Variants in CHSY3 observed in about 807,000 individuals in gnomAD.
The protein encoded by CHSY3 is chondroitin sulfate synthase 3, also known as N-acetylgalactosaminyl-proteoglycan 3-beta-glucuronosyltransferase 3.
In CHSY3, 35 loss-of-function variants were observed where a neutral mutation model predicts 67.2. That is an observed-to-expected ratio of 0.52 (90% CI 0.40 to 0.69). The LOEUF (loss-of-function observed/expected upper bound fraction) is 0.69, where lower values mean the gene tolerates loss of function less well. Ranked by LOEUF, CHSY3 falls within the 30% of genes least tolerant of loss-of-function variation. The pLI is 0.00. For missense variants in CHSY3, 1,069 were observed against 1,138.5 expected (o/e 0.94, Z 0.88); for synonymous variants, 474 against 434.7 (o/e 1.09, Z -1.12).
intron 1 of CHSY3, among the ~76,000 whole-genome samples, chr5:129,906,553 G>T (rs1760310173): frequency 6.6e-6 from 1 of 152,192 alleles, no homozygotes; most frequent in South Asian, 2.1e-4. Flanking sequence ...TAAAAGAGGC[G>T]CGGTCTTTTT....
chr5:129,905,624 C>T lies in CHSY3; in HGVS notation c.795C>T (p.Tyr265=), dbSNP rs1329495121. The T allele has an allele frequency of 6.2e-7, 1 of 1,612,890 alleles. No homozygotes were observed. Among genetic ancestry groups the T allele is most frequent in the East Asian group, 2.2e-5 (1 of 44,846 alleles). Residue 265 remains tyrosine (Y), a synonymous_variant, in exon 1 of 3, where the codon TAC becomes TAT. Transcript: ENST00000305031. ...EWFMRADDDV[Y]IKGDKLEEFL... The stretch of plus-strand genomic sequence containing the variant: ...TCATGCGCGCCGACGACGATGTCTA[C>T]ATCAAAGGTGACCTCCCTGCGCCGG...
intron 2 of CHSY3, among the ~76,000 whole-genome samples, chr5:130,022,040 G>T (rs1429417658): frequency 2.0e-5 from 3 of 152,022 alleles, no homozygotes; most frequent in Non-Finnish European, 4.4e-5. Context: ...TGGGAAGGTA[G>T]ATTAAATTTC....
intron 2 of CHSY3, among the ~76,000 whole-genome samples, chr5:129,989,542 A>G (rs1406833460): frequency 1.3e-5 from 2 of 152,146 alleles, no homozygotes; most frequent in Non-Finnish European, 2.9e-5. Context: ...ATTAAGCCTC[A>G]CTTTCCAACA....
chr5:129,990,377 A>T (rs868696669), intron 2 of CHSY3, among the ~76,000 whole-genome samples: 9 of 147,474 alleles, frequency 6.1e-5, no homozygotes, highest in East Asian at 2.0e-4. Flanking sequence ...TGAGTGAGTG[A>T]GTGTGTGTGT....
At chr5:130,178,177 ATG>A (rs202195958) in intron 2 of CHSY3, among the ~76,000 whole-genome samples, 71 of 123,580 alleles carry the variant, frequency 5.7e-4, no homozygotes, top group Non-Finnish European at 7.6e-4. Context: ...ATGTATATAT[ATG>A]TGTGTGTGTA....
chr5:130,068,832 G>A (rs967048048), intron 2 of CHSY3, among the ~76,000 whole-genome samples: 2 of 152,198 alleles, frequency 1.3e-5, no homozygotes, highest in Middle Eastern at 3.4e-3. Flanking sequence ...TATATAGGTA[G>A]TTCAATAACC....
intron 2 of CHSY3, among the ~76,000 whole-genome samples, chr5:130,012,053 T>C (rs1414242054): frequency 6.6e-6 from 1 of 152,224 alleles, no homozygotes; most frequent in Non-Finnish European, 1.5e-5. Context: ...TCAATGCTCT[T>C]TGTACCAACT....
chr5:130,132,762 G>T (rs1052866694), intron 2 of CHSY3, among the ~76,000 whole-genome samples: 1 of 152,118 alleles, frequency 6.6e-6, no homozygotes, highest in Non-Finnish European at 1.5e-5. Flanking sequence ...TGTCATAATT[G>T]GGGGACTCCT....
intron 2 of CHSY3, among the ~76,000 whole-genome samples, chr5:130,160,075 T>G (rs1769486451): frequency 6.6e-6 from 1 of 152,228 alleles, no homozygotes; most frequent in Non-Finnish European, 1.5e-5. Flanking sequence ...TTAAAGATTA[T>G]TCCATCTGAG....
intron 2 of CHSY3, among the ~76,000 whole-genome samples, chr5:130,156,550 G>A (rs1331990226): frequency 1.3e-5 from 2 of 152,212 alleles, no homozygotes; most frequent in Non-Finnish European, 2.9e-5. Flanking sequence ...ACTATAACAA[G>A]TCAAAGGCAG....
chr5:130,017,757 A>G (rs925294420), intron 2 of CHSY3, among the ~76,000 whole-genome samples: 7 of 152,098 alleles, frequency 4.6e-5, no homozygotes, highest in African/African-American at 1.7e-4. Flanking sequence ...TGCAATATAT[A>G]AAGTTAATAA....
At chr5:130,043,172 T>A (rs1765050879) in intron 2 of CHSY3, among the ~76,000 whole-genome samples, 1 of 152,094 alleles carries the variant, frequency 6.6e-6, no homozygotes, top group South Asian at 2.1e-4. Flanking sequence ...AGTTAGAGAT[T>A]ACTTTTGTTG....
intron 2 of CHSY3, among the ~76,000 whole-genome samples, chr5:130,059,250 T>G (rs1765630873): frequency 6.6e-6 from 1 of 152,294 alleles, no homozygotes; most frequent in East Asian, 1.9e-4. Flanking sequence ...CCCTGACCTA[T>G]AAATGTCAGA....
chr5:130,031,179 T>C (rs1226648370), intron 2 of CHSY3, among the ~76,000 whole-genome samples: 1 of 152,054 alleles, frequency 6.6e-6, no homozygotes, highest in Admixed American at 6.6e-5. Context: ...AAGACTGGGA[T>C]TCTGCTTCTC....
intron 2 of CHSY3, among the ~76,000 whole-genome samples, chr5:130,165,248 G>A (rs1239593359): frequency 6.6e-6 from 1 of 152,136 alleles, no homozygotes; most frequent in Non-Finnish European, 1.5e-5. Flanking sequence ...AAGTTCTTGG[G>A]ATTTTGGACC....
rs188225377 is a variant in CHSY3 at position 130,154,040 on chromosome 5, C to G, written c.1087-30189C>G. On this transcript the variant is annotated intron_variant, in intron 2 of 2. Transcript: ENST00000305031. ...CAAGTGATTCTCCAGCCTCAGCCTT[C>G]TGAGTAGCTGGGACTACAGGTGCAC... 4.3e-4 allele frequency among the ~76,000 whole-genome samples: 65 copies of G among 152,160 alleles called. 2 individuals carry two copies. In the East Asian group the frequency reaches 0.011, roughly 27 times the overall value.
In CHSY3 at chr5:129,904,844, T is replaced by C. The variant is rs761897350; in HGVS notation, c.15T>C (p.Ser5=). The change falls in exon 1 of 3, where the codon TCT becomes TCC. Residue 5 remains serine, a synonymous_variant. Transcript: ENST00000305031. Reference sequence around the variant, plus strand: ...GGACAGCCGCGATGGCTGTGCGCTCTCGCCGCCCGTGGATGAGCGTGGCAT... The same window carrying C: ...GGACAGCCGCGATGGCTGTGCGCTCCCGCCGCCCGTGGATGAGCGTGGCAT... The part of the protein sequence containing the change: MAVR[S]RRPWMSVALG... The C allele has an allele frequency of 6.9e-6, 10 of 1,447,898 alleles. No individual in the cohort carries two copies. The African/African-American group carries it at 1.2e-4, about 17-fold the overall frequency. The allele number at this position is 1,447,898 out of a possible 1,614,324, so 89.7% of individuals were successfully genotyped here. A position where few individuals can be genotyped will look rare whatever the true frequency, so the allele number is the denominator to read the frequency against.
chr5:130,088,139 T>C (rs922262425), intron 2 of CHSY3, among the ~76,000 whole-genome samples: 15 of 152,038 alleles, frequency 9.9e-5, no homozygotes, highest in African/African-American at 3.6e-4. Flanking sequence ...ATTTAATAAA[T>C]GGTGCTGGGA....
intron 2 of CHSY3, among the ~76,000 whole-genome samples, chr5:130,070,674 T>G (rs116493549): frequency 1.6e-4 from 25 of 152,262 alleles, no homozygotes; most frequent in Non-Finnish European, 3.1e-4. Flanking sequence ...AAAGGCCCTA[T>G]TCCTCATTTA....
Sources: gnomAD v4.1 joint callset for allele counts (sites outside exome capture counted in the v4.1 genomes callset) on GRCh38, gnomAD v4.1.1 for gene constraint, MANE v1.5 for transcripts, NCBI Gene and HGNC (gene_info 2026-07-23, HGNC 2026-07-21) for gene names.